Variants in SYT2 observed in about 807,000 individuals in gnomAD.
SYT2 encodes synaptotagmin-2.
SYT2 carries 15 observed loss-of-function variants against 39.9 expected under a neutral mutation model. The observed-to-expected ratio is 0.38, with a 90% CI of 0.25 to 0.58. The LOEUF (loss-of-function observed/expected upper bound fraction) is 0.58. Among genes scored for constraint, SYT2 ranks in the 20% least tolerant of loss-of-function variants. SYT2 has a pLI of 0.70. For synonymous variants in SYT2, 181 were observed against 204.5 expected (o/e 0.89, Z 0.98); for missense variants, 389 against 530.3 (o/e 0.73, Z 2.62).
chr1:202,691,417 G>A (rs1199127951), intron 1 of SYT2, among the ~76,000 whole-genome samples: 1 of 152,056 alleles, frequency 6.6e-6, no homozygotes, highest in African/African-American at 2.4e-5. Flanking sequence ...GGATGCCAAA[G>A]TAGGAGGATT....
At chr1:202,682,348 T>A (rs1333359765) in intron 1 of SYT2, among the ~76,000 whole-genome samples, 1 of 152,060 alleles carries the variant, frequency 6.6e-6, no homozygotes, top group Non-Finnish European at 1.5e-5. Flanking sequence ...AGAGGTACCA[T>A]CTACGTGGGC....
At chr1:202,667,692 CTTTTAT>C (rs1261404934) in intron 1 of SYT2, among the ~76,000 whole-genome samples, 3 of 152,008 alleles carry the variant, frequency 2.0e-5, no homozygotes, top group African/African-American at 7.2e-5. Flanking sequence ...CAGATATTTT[CTTTTAT>C]TTTTATTTTA....
rs1690963404 is a variant in SYT2 at position 202,614,160 on chromosome 1, CAAAT to C, written c.-17-8375_-17-8372del. Among the ~76,000 whole-genome samples, 1 of 152,132 alleles carries C rather than the reference CAAAT, an allele frequency of 6.6e-6. No individual in the cohort carries two copies. The highest frequency in any genetic ancestry group is 1.9e-4 in the East Asian group (1 of 5,188). On this transcript the variant is annotated intron_variant, in intron 1 of 8. Transcript: ENST00000367268. This position sits in a 1 kb window ranked among gnomAD's most constrained non-coding sequence, Gnocchi z 4.0. ...GTAGCAAAGTAAAGCTGCTTGGTGT[CAAAT>C]AAACCAGCCAGGAATGAAGACGCTT...
chr1:202,627,703 A>C (rs565464558), intron 1 of SYT2: 1 of 849,976 alleles, frequency 1.2e-6, no homozygotes, highest in African/African-American at 1.8e-5. Flanking sequence ...ACTTGAAAAT[A>C]ACCCCTAGCA....
intron 1 of SYT2, among the ~76,000 whole-genome samples, chr1:202,609,112 G>A (rs997612455): frequency 7.0e-6 from 1 of 142,508 alleles, no homozygotes; most frequent in Non-Finnish European, 1.5e-5. Context: ...CCACCTATGA[G>A]TGAGAACATG....
chr1:202,638,136 C>A (rs1258230702), intron 1 of SYT2, among the ~76,000 whole-genome samples: 1 of 152,192 alleles, frequency 6.6e-6, no homozygotes, highest in African/African-American at 2.4e-5. Flanking sequence ...TGCTAAGATG[C>A]GATTCCATGA....
At chr1:202,690,375 G>A (rs991359150) in intron 1 of SYT2, among the ~76,000 whole-genome samples, 5 of 152,210 alleles carry the variant, frequency 3.3e-5, no homozygotes, top group African/African-American at 9.7e-5. Context: ...TGTAGCAGAG[G>A]TGGCTGGGCA....
At chr1:202,626,190 C>T (rs564041235) in intron 1 of SYT2, among the ~76,000 whole-genome samples, 2 of 152,084 alleles carry the variant, frequency 1.3e-5, no homozygotes, top group South Asian at 2.1e-4. Flanking sequence ...GACTACGATG[C>T]GGGTCACCTT....
At chr1:202,627,587 A>G (rs2149088395) in intron 1 of SYT2, 1 of 985,244 alleles carries the variant, frequency 1.0e-6, no homozygotes, top group African/African-American at 1.7e-5. Context: ...GGGAAAGGAG[A>G]TCCAGTGCAG....
intron 1 of SYT2, among the ~76,000 whole-genome samples, chr1:202,608,984 G>A (rs938449691): frequency 2.7e-5 from 4 of 150,648 alleles, no homozygotes; most frequent in East Asian, 2.0e-4. Flanking sequence ...CCATTAACTC[G>A]TCATTTAACA....
chr1:202,656,124 ACG>A (rs1475138462), intron 1 of SYT2, among the ~76,000 whole-genome samples: 6 of 142,788 alleles, frequency 4.2e-5, no homozygotes, highest in Admixed American at 2.8e-4. Flanking sequence ...GGGCTTTGGA[ACG>A]CACACACACA....
At chr1:202,648,076 C>G (rs1692123713) in intron 1 of SYT2, among the ~76,000 whole-genome samples, 1 of 152,220 alleles carries the variant, frequency 6.6e-6, no homozygotes, top group South Asian at 2.1e-4. Context: ...GGAACAGAAA[C>G]AGTATTTACC....
intron 1 of SYT2, among the ~76,000 whole-genome samples, chr1:202,654,594 G>A (rs945171655): frequency 6.6e-6 from 1 of 152,208 alleles, no homozygotes; most frequent in South Asian, 2.1e-4. Context: ...GTGCCCTCAT[G>A]GGGAGTTCAT....
chr1:202,692,219 A>G (rs1204800079), intron 1 of SYT2, among the ~76,000 whole-genome samples: 1 of 151,920 alleles, frequency 6.6e-6, no homozygotes, highest in Non-Finnish European at 1.5e-5. Flanking sequence ...TCTAACCCCT[A>G]TGTAGCTTGC....
chr1:202,674,029 T>C (rs1471287511), intron 1 of SYT2, among the ~76,000 whole-genome samples: 1 of 152,180 alleles, frequency 6.6e-6, no homozygotes, highest in East Asian at 1.9e-4. Flanking sequence ...TGTATTTTTT[T>C]TAATGTGTGA....
chr1:202,692,505 A>C (rs778915923), intron 1 of SYT2, among the ~76,000 whole-genome samples: 13 of 152,214 alleles, frequency 8.5e-5, no homozygotes, highest in Non-Finnish European at 1.6e-4. Flanking sequence ...ATGGCTTTCT[A>C]TCACCTACAG....
At chr1:202,670,542 G>T (rs1558456041) in intron 1 of SYT2, among the ~76,000 whole-genome samples, 1 of 152,150 alleles carries the variant, frequency 6.6e-6, no homozygotes, top group Non-Finnish European at 1.5e-5. Flanking sequence ...GGGGGAGGGG[G>T]AAGAGGAGCA....
At chr1:202,650,195 T>C (rs941532213) in intron 1 of SYT2, among the ~76,000 whole-genome samples, 3 of 152,224 alleles carry the variant, frequency 2.0e-5, no homozygotes, top group Non-Finnish European at 4.4e-5. Context: ...TGCGGGTATG[T>C]AAACTGCAGC....
In SYT2 at chr1:202,591,751, A is replaced by C. The variant is rs933229080; in HGVS notation, c.*5006T>G. On this transcript the variant is annotated 3_prime_UTR_variant, in exon 9 of 9. Coordinates refer to ENST00000367268, the MANE Select transcript of SYT2 (RefSeq NM_177402.5). ...CACAGACCCTCACACTACAGAGGTGAGTAAGCAGGGATGGTTCTGTCATCC... is the reference window on the plus strand; with the variant it reads ...CACAGACCCTCACACTACAGAGGTGCGTAAGCAGGGATGGTTCTGTCATCC... The C allele has an allele frequency of 1.3e-5, 2 of 152,710 alleles. No individual in the cohort carries two copies. Among genetic ancestry groups the C allele is most frequent in the Admixed American group, 1.3e-4 (2 of 15,270 alleles). 9.5% of individuals were successfully genotyped at this position (152,710 alleles called of 1,614,324 possible).
Sources: gnomAD v4.1 joint callset for allele counts (sites outside exome capture counted in the v4.1 genomes callset) on GRCh38, gnomAD v4.1.1 for gene constraint, Gnocchi (gnomAD v3.1) non-coding constraint, MANE v1.5 for transcripts, NCBI Gene and HGNC (gene_info 2026-07-23, HGNC 2026-07-21) for gene names.